ITGB2: variants seen among roughly 807,000 people sequenced by gnomAD.
ITGB2 encodes integrin beta-2.
ITGB2 carries 56 observed loss-of-function variants against 86.8 expected under a neutral mutation model. The ratio of observed to expected loss-of-function variants is 0.65; its 90% CI spans 0.52 to 0.81. The LOEUF is 0.81. Ranked by LOEUF, ITGB2 falls within the 30% of genes least tolerant of loss-of-function variation. The probability of loss-of-function intolerance (pLI) is 0.00; values close to 1 mark genes in which losing one functional copy is unlikely to be tolerated. For missense variants in ITGB2, 948 were observed against 1,061.2 expected (o/e 0.89, Z 1.48); for synonymous variants, 457 against 450.4 (o/e 1.01, Z -0.19).
chr21:44,898,527 T>C (rs1465186415), intron 8 of ITGB2, among the ~76,000 whole-genome samples: 1 of 152,184 alleles, frequency 6.6e-6, no homozygotes, highest in Non-Finnish European at 1.5e-5. Flanking sequence ...CACCTGAGCG[T>C]CTTGACGCAC....
intron 10 of ITGB2, among the ~76,000 whole-genome samples, chr21:44,892,476 C>T (rs568439011): frequency 1.6e-4 from 24 of 151,996 alleles, no homozygotes; most frequent in Non-Finnish European, 2.9e-4. Flanking sequence ...AAAAATTAGC[C>T]GAGCGTGGTG....
Position 44,901,747 on chromosome 21 carries a change from G to C in ITGB2, c.500-14C>G. 6.2e-7 allele frequency: 1 copy of C among 1,603,730 alleles called. No individual in the cohort carries two copies. Among genetic ancestry groups the C allele is most frequent in the Non-Finnish European group, 8.5e-7 (1 of 1,171,946 alleles). On this transcript the variant is annotated splice_polypyrimidine_tract_variant and intron_variant, in intron 5 of 15. Coordinates refer to ENST00000652462, the MANE Select transcript of ITGB2 (RefSeq NM_000211.5). ...AGGACCCGAAGCCTGCAGGGCACAT[G>C]GAGGGGCTGGGGAGGTGGCAGGCTG... is the stretch of plus-strand genomic sequence containing the variant.
At chr21:44,923,899 G>A (rs185422191), upstream of ITGB2, among the ~76,000 whole-genome samples, 2 of 152,292 alleles carry the variant, frequency 1.3e-5, no homozygotes, top group Admixed American at 1.3e-4. Flanking sequence ...ATACACGTAT[G>A]TGCTAGAAAA....
In ITGB2 at chr21:44,886,351, G is replaced by T. The variant is rs1052628802; in HGVS notation, c.*17C>A. The T allele has an allele frequency of 3.8e-5, 62 of 1,613,076 alleles. No homozygotes were observed. Among genetic ancestry groups the T allele is most frequent in the Non-Finnish European group, 4.7e-5 (56 of 1,179,112 alleles). ...AGACATGGTGGGTCCTGACGGCCTTGTCTTCACCAAGTGCTCCTAACTCTC... is the reference window on the plus strand; with the variant it reads ...AGACATGGTGGGTCCTGACGGCCTTTTCTTCACCAAGTGCTCCTAACTCTC... On this transcript the variant is annotated 3_prime_UTR_variant, in exon 16 of 16. Coordinates refer to ENST00000652462, the MANE Select transcript of ITGB2 (RefSeq NM_000211.5).
rs190534662 is a variant in ITGB2 at position 44,908,378 on chromosome 21, G to A, written c.148-1283C>T. ...CCAGATGACCTTGGCGCCACCACCC[G>A]GCCCTGGTGGTTAAACTAATAATAT... On this transcript the variant is annotated intron_variant, in intron 3 of 15. Transcript: ENST00000652462. Among the ~76,000 whole-genome samples the A allele has an allele frequency of 7.0e-3, 1,065 of 151,596 alleles. 28 individuals are homozygous for A. The highest frequency in any genetic ancestry group is 0.057 in the Admixed American group (870 of 15,260).
At chr21:44,926,143 T>A (rs2877000) in intron 1 of ITGB2, among the ~76,000 whole-genome samples, 75,760 of 150,668 alleles carry the variant, frequency 0.5, 20,804 homozygotes, top group African/African-American at 0.75. Context: ...ATTAATTAAT[T>A]AATTAAATAA....
intron 14 of ITGB2, among the ~76,000 whole-genome samples, chr21:44,888,268 C>T (rs770448545): frequency 3.3e-5 from 5 of 152,228 alleles, no homozygotes; most frequent in South Asian, 4.1e-4. Flanking sequence ...GGCTGAGAGC[C>T]GAGCACCAGG....
chr21:44,901,393 G>T (rs969216949), intron 6 of ITGB2, 99 bp downstream of exon 6: 12 of 1,466,128 alleles, frequency 8.2e-6, no homozygotes, highest in Non-Finnish European at 1.1e-5. Context: ...TCCCTCAGAC[G>T]ACCTGCCGGC....
chr21:44,894,994 G>A lies in ITGB2; in HGVS notation c.1060C>T (p.His354Tyr), dbSNP rs952577888. 1 of 1,611,910 alleles carries A rather than the reference G, an allele frequency of 6.2e-7. No individual in the cohort carries two copies. Among genetic ancestry groups the A allele is most frequent in the Admixed American group, 1.7e-5 (1 of 60,014 alleles). ...ACATTGTAAGCATTCTTAATGAGAT[G>A]GACCACATTGCTGGAGTCCTCAGAC... ...ELSEDSSNVVHLIKNAYNKLS... is the reference protein window; with the variant it reads ...ELSEDSSNVVYLIKNAYNKLS... The change falls in exon 9 of 16, where the codon CAT (histidine) becomes TAT (tyrosine). Residue 354 changes from histidine to tyrosine, a missense_variant. By Grantham distance (83) the His-to-Tyr change is moderately conservative. Coordinates refer to ENST00000652462, the MANE Select transcript of ITGB2 (RefSeq NM_000211.5).
chr21:44,927,841 G>A (rs1473782449), intron 1 of ITGB2: 3 of 152,248 alleles, frequency 2.0e-5, no homozygotes, highest in Non-Finnish European at 4.4e-5. Flanking sequence ...CTTTCTCATG[G>A]GATCCCCCAC....
At chr21:44,889,863 C>T (rs2083760057) in intron 12 of ITGB2, 115 bp downstream of exon 12, 1 of 1,463,108 alleles carries the variant, frequency 6.8e-7, no homozygotes, top group South Asian at 1.2e-5. Context: ...CTTGCACTGT[C>T]TGTCCTCAGG....
At chr21:44,928,348 C>T (rs966375794) in intron 1 of ITGB2, 1 of 152,288 alleles carries the variant, frequency 6.6e-6, no homozygotes, top group Non-Finnish European at 1.5e-5. Flanking sequence ...CAACGATGGA[C>T]TCCAGGGGGA....
At chr21:44,912,211 G>A (rs1228123781) in intron 1 of ITGB2, among the ~76,000 whole-genome samples, 1 of 152,194 alleles carries the variant, frequency 6.6e-6, no homozygotes, top group Non-Finnish European at 1.5e-5. Context: ...AAGGTTCAGT[G>A]GGCAGACCCA....
chr21:44,899,943 G>A (rs567968234), intron 7 of ITGB2, among the ~76,000 whole-genome samples: 27 of 152,378 alleles, frequency 1.8e-4, no homozygotes, highest in African/African-American at 6.3e-4. Flanking sequence ...AGGGGGAGGA[G>A]GCGGATGCTT....
intron 4 of ITGB2, 99 bp downstream of exon 4, chr21:44,906,816 T>C: frequency 2.2e-6 from 3 of 1,341,316 alleles, no homozygotes; most frequent in Non-Finnish European, 3.2e-6. Context: ...ACACATGCCT[T>C]CTGGGCAGCC....
intron 15 of ITGB2, 76 bp downstream of exon 15, chr21:44,886,660 C>T (rs1289701491): frequency 1.3e-6 from 2 of 1,589,600 alleles, no homozygotes; most frequent in East Asian, 2.2e-5. Context: ...GTGTCCACGG[C>T]CTCCCGCAGC....
In ITGB2 at chr21:44,893,548, C is replaced by A. The variant is rs747141875; in HGVS notation, c.1084-4G>T. The A allele has an allele frequency of 1.2e-6, 2 of 1,613,612 alleles. No homozygotes were observed. The highest frequency in any genetic ancestry group is 1.1e-5 in the South Asian group (1 of 91,076). The stretch of plus-strand genomic sequence containing the variant: ...GGAAGACCCTGGAGGAGAGTTTCTG[C>A]GGGCAGAGAGCGGTTACTCTTGGGG... On this transcript the variant is annotated splice_polypyrimidine_tract_variant and splice_region_variant and intron_variant, in intron 9 of 15. Transcript: ENST00000652462.
At chr21:44,921,103 C>T (rs1288299157), upstream of ITGB2, 2 of 152,306 alleles carry the variant, frequency 1.3e-5, no homozygotes, top group African/African-American at 2.4e-5. Flanking sequence ...GCGAGAAGGA[C>T]CTGCTTCCAT....
chr21:44,900,586 G>C (rs537169492), intron 6 of ITGB2, 111 bp from the exon 7 acceptor site: 2 of 1,356,260 alleles, frequency 1.5e-6, no homozygotes, highest in Admixed American at 3.8e-5. Flanking sequence ...GGCTGGTGTG[G>C]GTCCCCCTTT....
Sources: gnomAD v4.1 joint callset for allele counts (sites outside exome capture counted in the v4.1 genomes callset) on GRCh38, gnomAD v4.1.1 for gene constraint, MANE v1.5 for transcripts, NCBI Gene and HGNC (gene_info 2026-07-23, HGNC 2026-07-21) for gene names.